ANO3: variants seen among roughly 807,000 people sequenced by gnomAD.
The protein encoded by ANO3 is anoctamin-3.
A neutral mutation model predicts 144.8 loss-of-function variants in ANO3; 99 were observed. The ratio of observed to expected loss-of-function variants is 0.68; its 90% CI spans 0.58 to 0.81. The LOEUF (loss-of-function observed/expected upper bound fraction) is 0.81. Among genes scored for constraint, ANO3 ranks in the 30% least tolerant of loss-of-function variants. The pLI, the probability that ANO3 is intolerant of heterozygous loss-of-function variation, is 0.00. For missense variants in ANO3, 905 were observed against 1,202.2 expected (o/e 0.75, Z 3.66); for synonymous variants, 414 against 392.6 (o/e 1.05, Z -0.64).
At chr11:26,553,216 T>TTTG (rs1429356913) in intron 12 of ANO3, 33 bp from the exon 13 acceptor site, 2 of 1,227,710 alleles carry the variant, frequency 1.6e-6, no homozygotes, top group Non-Finnish European at 2.3e-6. Context: ...CATGCTATGT[T>TTTG]TTGTTTTGTT....
chr11:26,533,799 T>G (rs540516030), intron 8 of ANO3, among the ~76,000 whole-genome samples: 3 of 152,310 alleles, frequency 2.0e-5, no homozygotes, highest in African/African-American at 7.2e-5. Flanking sequence ...ACCTTCTAAT[T>G]CAGGACTACG....
At chr11:26,223,446 T>A (rs1033617068) in intron 1 of ANO3, among the ~76,000 whole-genome samples, 3 of 152,026 alleles carry the variant, frequency 2.0e-5, no homozygotes, top group Non-Finnish European at 4.4e-5. Flanking sequence ...CTCTAAACTT[T>A]CCCTCATCTT....
At chr11:26,426,437 C>T (rs937246464) in intron 1 of ANO3, among the ~76,000 whole-genome samples, 1 of 151,734 alleles carries the variant, frequency 6.6e-6, no homozygotes, top group Non-Finnish European at 1.5e-5. Context: ...TTATGTCCTC[C>T]AACTCAGTAT....
chr11:26,647,795 C>T lies in ANO3; in HGVS notation c.2515C>T (p.Pro839Ser). The T allele has an allele frequency of 3.7e-6, 6 of 1,613,038 alleles. No individual in the cohort carries two copies. The highest frequency in any genetic ancestry group is 5.1e-6 in the Non-Finnish European group (6 of 1,179,406). ...AATTGCTATTACTTCTGATTACATC[C>T]CACGTTTTGTTTATGAATACAAATA... ...FVIAITSDYI[P>S]RFVYEYKYGP... The change falls in exon 24 of 27, where the codon CCA becomes TCA. Residue 839 changes from proline to serine, a missense_variant. Pro to Ser is a moderately conservative substitution (Grantham distance 74). Transcript: ENST00000256737.
At chr11:26,306,675 A>G (rs1335185162), upstream of ANO3, among the ~76,000 whole-genome samples, 1 of 152,110 alleles carries the variant, frequency 6.6e-6, no homozygotes, top group African/African-American at 2.4e-5. Flanking sequence ...AAAAAAAAAG[A>G]AAACATATTT....
chr11:26,218,491 A>T (rs1471807033), intron 1 of ANO3, among the ~76,000 whole-genome samples: 1 of 152,042 alleles, frequency 6.6e-6, no homozygotes, highest in South Asian at 2.1e-4. Flanking sequence ...CTGCTTCTTT[A>T]CTTCTTCCCT....
At chr11:26,475,663 G>T (rs868128375) in intron 4 of ANO3, among the ~76,000 whole-genome samples, 1 of 151,946 alleles carries the variant, frequency 6.6e-6, no homozygotes, top group East Asian at 1.9e-4. Flanking sequence ...AGTATGTGCT[G>T]CATAATTATA....
upstream of ANO3, among the ~76,000 whole-genome samples, chr11:26,305,079 G>A (rs1408754320): frequency 2.7e-5 from 4 of 150,702 alleles, no homozygotes; most frequent in Admixed American, 6.6e-5. Flanking sequence ...TTAAGAAAAA[G>A]TGAACTCTTC....
chr11:26,229,650 A>G (rs1194430958), intron 1 of ANO3, among the ~76,000 whole-genome samples: 2 of 151,634 alleles, frequency 1.3e-5, no homozygotes, highest in Admixed American at 6.6e-5. Flanking sequence ...TTTTTTCTTT[A>G]CTTTATGAAC....
At chr11:26,593,879 G>A (rs904512706) in intron 14 of ANO3, among the ~76,000 whole-genome samples, 22 of 152,166 alleles carry the variant, frequency 1.4e-4, no homozygotes, top group Middle Eastern at 3.4e-3. Context: ...GTCCCGTTCC[G>A]CCTGCTCTTC....
intron 1 of ANO3, among the ~76,000 whole-genome samples, chr11:26,420,490 T>G (rs1857720865): frequency 6.6e-6 from 1 of 152,060 alleles, no homozygotes; most frequent in Non-Finnish European, 1.5e-5. Flanking sequence ...AGCTACTGTT[T>G]AGGTTTGACC....
intron 1 of ANO3, among the ~76,000 whole-genome samples, chr11:26,438,271 A>G (rs1203006208): frequency 1.3e-5 from 2 of 152,208 alleles, no homozygotes; most frequent in African/African-American, 4.8e-5. Flanking sequence ...GACCAAAAGC[A>G]TGAACTATAA....
intron 14 of ANO3, among the ~76,000 whole-genome samples, chr11:26,564,728 CACACATATATATATATATATATATATAT>C (rs1235903733): frequency 2.8e-4 from 10 of 36,178 alleles, no homozygotes; most frequent in South Asian, 9.3e-4. Flanking sequence ...CACACACACA[CACACATATATATATATATATATATATAT>C]ATATATATAT....
At chr11:26,629,296 G>A (rs1226544604) in intron 18 of ANO3, among the ~76,000 whole-genome samples, 1 of 152,028 alleles carries the variant, frequency 6.6e-6, no homozygotes, top group East Asian at 1.9e-4. Flanking sequence ...TTATATCAGA[G>A]CTCGCCTCTG....
rs1367362488 is a variant in ANO3 at position 26,531,292 on chromosome 11, G to C, written c.825G>C (p.Glu275Asp). ...AGTCAGCTTTTCCAGACCTAGAGGAGTCAGACTGCTATACTGGCCCCTTCA... is the reference window on the plus strand; with the variant it reads ...AGTCAGCTTTTCCAGACCTAGAGGACTCAGACTGCTATACTGGCCCCTTCA... ...LDKSAFPDLE[E>D]SDCYTGPFSR... The change falls in exon 8 of 27, where the codon GAG becomes GAC. Residue 275 changes from glutamate to aspartate, a missense_variant. Around this residue, in one of 4 missense-constraint regions of ANO3, gnomAD observed 71 missense variants for 57.9 expected, o/e 1.23. Coordinates refer to ENST00000256737, the MANE Select transcript of ANO3 (RefSeq NM_031418.4). 6.2e-7 allele frequency: 1 copy of C among 1,613,966 alleles called. No homozygotes were observed.
At chr11:26,414,529 G>A (rs182215881) in intron 1 of ANO3, among the ~76,000 whole-genome samples, 1,752 of 151,946 alleles carry the variant, frequency 0.012, 17 homozygotes, top group Non-Finnish European at 0.018. Flanking sequence ...TTATAAGTGG[G>A]AGTTGAACAA....
chr11:26,624,524 C>T, intron 18 of ANO3, 26 bp downstream of exon 18: 1 of 1,564,142 alleles, frequency 6.4e-7, no homozygotes, highest in African/African-American at 1.4e-5. Flanking sequence ...TTACTTCACT[C>T]CTTAGTCAGA....
intron 1 of ANO3, among the ~76,000 whole-genome samples, chr11:26,257,048 A>G (rs1267918938): frequency 6.6e-6 from 1 of 152,122 alleles, no homozygotes; most frequent in East Asian, 1.9e-4. Context: ...ATGATTATTG[A>G]TTAGATGCAT....
intron 1 of ANO3, among the ~76,000 whole-genome samples, chr11:26,224,615 T>C (rs1398519938): frequency 6.6e-6 from 1 of 152,236 alleles, no homozygotes; most frequent in African/African-American, 2.4e-5. Flanking sequence ...GAATGAAGTA[T>C]GTAGGATCCA....
Sources: gnomAD v4.1 joint callset for allele counts (sites outside exome capture counted in the v4.1 genomes callset) on GRCh38, gnomAD v4.1.1 for gene constraint, gnomAD v4.1.1 regional missense constraint, MANE v1.5 for transcripts, NCBI Gene and HGNC (gene_info 2026-07-23, HGNC 2026-07-21) for gene names.